OXA1L: variants seen among roughly 807,000 people sequenced by gnomAD.
OXA1L encodes mitochondrial inner membrane protein OXA1L.
Under a neutral mutation model 52.2 loss-of-function variants are expected in OXA1L, and 42 were observed. The observed-to-expected ratio is 0.80, with a 90% CI of 0.63 to 1.04. OXA1L has a LOEUF of 1.04. Ranked by LOEUF, OXA1L falls within the 50% of genes least tolerant of loss-of-function variation. The probability of loss-of-function intolerance (pLI) is 0.00; values close to 1 mark genes in which losing one functional copy is unlikely to be tolerated. For missense variants in OXA1L, 572 were observed against 555.0 expected, an observed-to-expected ratio of 1.03 and a Z score of -0.31; for synonymous variants, 239 against 201.9, an observed-to-expected ratio of 1.18 and a Z score of -1.56.
rs201114618 is a variant in OXA1L at position 22,770,820 on chromosome 14, G to A, written c.850G>A (p.Gly284Ser). 6.2e-7 allele frequency: 1 copy of A among 1,614,088 alleles called. No individual in the cohort carries two copies. The highest frequency in any genetic ancestry group is 1.3e-5 in the African/African-American group (1 of 75,054). The change falls in exon 7 of 10, where the codon GGT becomes AGT. Residue 284 changes from glycine (G) to serine (S), a missense_variant. Transcript: ENST00000612549. ...WAVLELGAET[G>S]VQSSDLQWMR... ...CTTTTGGCAGCTAGGTGCTGAGACA[G>A]GTGTGCAAAGTTCTGACCTTCAGTG...
At chr14:22,767,065 T>C (rs750518892) in intron 1 of OXA1L, 183 bp from the exon 2 acceptor site, 3 of 1,536,320 alleles carry the variant, frequency 2.0e-6, no homozygotes, top group African/African-American at 2.7e-5. Context: ...CGAGCTTCGC[T>C]CTGCAGGCAC....
At position 22,771,662 on chromosome 14, in the gene OXA1L, C is replaced by A; in HGVS notation, c.*104C>A. 3 of 1,180,994 alleles carry A rather than the reference C, an allele frequency of 2.5e-6. No homozygotes were observed. The highest frequency in any genetic ancestry group is 3.7e-6 in the Non-Finnish European group (3 of 808,414). The allele number at this position is 1,180,994 out of a possible 1,614,324, so 73.2% of individuals were successfully genotyped here. A position where few individuals can be genotyped will look rare whatever the true frequency, so the allele number is the denominator to read the frequency against. On this transcript the variant is annotated 3_prime_UTR_variant, in exon 10 of 10. Transcript: ENST00000612549. ...CTTGCCCCAGTCCTAGGAACTGTGG[C>A]ACACAGAGATGTTCATTTTAAAAAC...
chr14:22,767,287 C>A lies in OXA1L; in HGVS notation c.103C>A (p.Pro35Thr). The stretch of plus-strand genomic sequence containing the variant: ...AGGGCCCTCGCAATGGCTTGGGAAA[C>A]CGCTGACCACACGGCTCCTATTCCC... ...VAGPSQWLGK[P>T]LTTRLLFPAA... is the part of the protein sequence containing the mutation. Residue 35 changes from proline to threonine, a missense_variant, in exon 2 of 10, where the codon CCG (proline) becomes ACG (threonine). Coordinates refer to ENST00000612549, the MANE Select transcript of OXA1L (RefSeq NM_005015.5). 1 of 1,613,052 alleles carries A rather than the reference C, an allele frequency of 6.2e-7. No homozygotes were observed. The highest frequency in any genetic ancestry group is 8.5e-7 in the Non-Finnish European group (1 of 1,179,720).
At position 22,770,531 on chromosome 14, in the gene OXA1L, CA is replaced by C. The variant is rs1566434857; in HGVS notation, c.741del (p.Gly248ValfsTer32). 1 of 1,614,184 alleles carries C rather than the reference CA, an allele frequency of 6.2e-7. No homozygotes were observed. Among genetic ancestry groups the C allele is most frequent in the East Asian group, 2.2e-5 (1 of 44,890 alleles). The part of the protein sequence containing the change: ...MANLPVPSLQ[T>X]GGLWWFQDLT... ...AACCTTCCTGTGCCCAGCCTGCAGA[CA>C]GGTGGCCTCTGGTGGTTCCAGGATC... On this transcript the variant is annotated frameshift_variant, in exon 6 of 10. Transcript: ENST00000612549. LOFTEE classifies it high-confidence loss of function.
Position 22,772,332 on chromosome 14 carries a change from A to C in OXA1L, c.*774A>C, listed in dbSNP as rs1264076193. 6 of 150,464 alleles carry C rather than the reference A, an allele frequency of 4.0e-5. No individual in the cohort carries two copies. Among genetic ancestry groups the C allele is most frequent in the Non-Finnish European group, 5.9e-5 (4 of 67,652 alleles). The allele number at this position is 150,464 out of a possible 1,614,324, so 9.3% of individuals were successfully genotyped here. On this transcript the variant is annotated 3_prime_UTR_variant, in exon 10 of 10. Transcript: ENST00000612549. ...ACCCCGTCTCTACTAAAAAAAAAAA[A>C]AAAAAAATTAGCCGGGCATGGCGGC...
chr14:22,767,782 C>A, intron 2 of OXA1L, 176 bp from the exon 3 acceptor site: 1 of 549,492 alleles, frequency 1.8e-6, no homozygotes, highest in South Asian at 2.9e-5. Flanking sequence ...ACTTCTCTTC[C>A]TAACTATTGA....
At position 22,771,134 on chromosome 14, in the gene OXA1L, G is replaced by A; in HGVS notation, c.1056G>A (p.Leu352=). The A allele has an allele frequency of 1.2e-6, 2 of 1,614,086 alleles. No homozygotes were observed. Among genetic ancestry groups the A allele is most frequent in the Non-Finnish European group, 1.7e-6 (2 of 1,180,022 alleles). ...TCCCCCAGCGTGTTGTACATGACCT[G>A]GACAAATTACCTCCACGGGAAGGCT... ...LKIPQRVVHD[L]DKLPPREGFL... is the part of the protein sequence containing the mutation. The change falls in exon 8 of 10, where the codon CTG becomes CTA. Residue 352 remains leucine, a synonymous_variant. Coordinates refer to ENST00000612549, the MANE Select transcript of OXA1L (RefSeq NM_005015.5).
At position 22,770,559 on chromosome 14, in the gene OXA1L, C is replaced by T. The variant is rs750440594; in HGVS notation, c.768C>T (p.Leu256=). 1.2e-6 allele frequency: 2 copies of T among 1,614,122 alleles called. No individual in the cohort carries two copies. Among genetic ancestry groups the T allele is most frequent in the Admixed American group, 1.7e-5 (1 of 60,022 alleles). Residue 256 remains leucine (L), a synonymous_variant, in exon 6 of 10, where the codon CTC becomes CTT. Coordinates refer to ENST00000612549, the MANE Select transcript of OXA1L (RefSeq NM_005015.5). ...QTGGLWWFQD[L]TVSDPIYILP... is the part of the protein sequence containing the mutation. ...GTGGCCTCTGGTGGTTCCAGGATCT[C>T]ACGGTATCCGATCCCATCTACATAT...
At position 22,770,236 on chromosome 14, in the gene OXA1L, T is replaced by C; in HGVS notation, c.627T>C (p.His209=). ...SSEMALYQKK[H]GIKLYKPLIL... Reference sequence around the variant, plus strand: ...AGATGGCACTTTACCAGAAAAAACATGGTATTAAACTCTATAAACCTCTCA... The same window carrying C: ...AGATGGCACTTTACCAGAAAAAACACGGTATTAAACTCTATAAACCTCTCA... The change falls in exon 5 of 10, where the codon CAT becomes CAC. Residue 209 remains histidine (H), a synonymous_variant. Coordinates refer to ENST00000612549, the MANE Select transcript of OXA1L (RefSeq NM_005015.5). 1 of 1,612,676 alleles carries C rather than the reference T, an allele frequency of 6.2e-7. No individual in the cohort carries two copies.
intron 7 of OXA1L, 21 bp downstream of exon 7, chr14:22,770,930 T>C (rs2038453528): frequency 6.2e-7 from 1 of 1,611,940 alleles, no homozygotes; most frequent in East Asian, 2.2e-5. Flanking sequence ...CCTTATGGGC[T>C]GGCTCCAAGG....
rs896562507 is a variant in OXA1L at position 22,770,002 on chromosome 14, G to A, written c.583+68G>A. ...CACTTTTCCTTACATTCTGCTGGGG[G>A]AAAGGAACAATGTAAATCAGAAGTT... On this transcript the variant is annotated intron_variant, in intron 4 of 9. Coordinates refer to ENST00000612549, the MANE Select transcript of OXA1L (RefSeq NM_005015.5). The A allele has an allele frequency of 5.7e-6, 9 of 1,577,500 alleles. No homozygotes were observed. The African/African-American group carries it at 9.4e-5, about 17-fold the overall frequency.
chr14:22,766,723 G>T lies in OXA1L; in HGVS notation c.22G>T (p.Gly8Ter). Residue 8 changes from glycine (G) to a stop codon, truncating the protein, a stop_gained, in exon 1 of 10, where the codon GGA (glycine) becomes TGA (stop). Coordinates refer to ENST00000612549, the MANE Select transcript of OXA1L (RefSeq NM_005015.5). LOFTEE classifies it high-confidence loss of function. Reference protein sequence around the residue: MAMGLMCGRRELLRLLQS... With the variant: MAMGLMC The stretch of plus-strand genomic sequence containing the variant: ...CAAAATGGCGATGGGACTAATGTGC[G>T]GACGCCGGGAGCTTCTGCGCTTGCT... The T allele has an allele frequency of 6.2e-7, 1 of 1,614,232 alleles. No homozygotes were observed. Among genetic ancestry groups the T allele is most frequent in the Non-Finnish European group, 8.5e-7 (1 of 1,180,036 alleles).
At position 22,766,931 on chromosome 14, in the gene OXA1L, A is replaced by G. The variant is rs1041730099; in HGVS notation, c.63+167A>G. On this transcript the variant is annotated intron_variant, in intron 1 of 9. Transcript: ENST00000612549. ...CGCGCTAGGGTTAGTCCCCGACACT[A>G]TGGGCCCAGCAGCCCGGTGTCAGCT... The G allele has an allele frequency of 4.6e-6, 7 of 1,513,498 alleles. No homozygotes were observed. The African/African-American group carries it at 5.5e-5, about 12-fold the overall frequency. The allele number at this position is 1,513,498 out of a possible 1,614,324, so 93.8% of individuals were successfully genotyped here.
In OXA1L at chr14:22,767,011, T is replaced by C. The variant is rs760395218; in HGVS notation, c.64-237T>C. ...CACCTCGGCCTCGTTCTCAGGGCCC[T>C]CCGATGTGGGTCTGCGATAACTGAG... is the stretch of plus-strand genomic sequence containing the variant. On this transcript the variant is annotated intron_variant, in intron 1 of 9. Coordinates refer to ENST00000612549, the MANE Select transcript of OXA1L (RefSeq NM_005015.5). 4 of 1,535,486 alleles carry C rather than the reference T, an allele frequency of 2.6e-6. No individual in the cohort carries two copies. The South Asian group carries it at 4.8e-5, about 18-fold the overall frequency.
In OXA1L at chr14:22,766,726, C is replaced by T. The variant is rs144214112; in HGVS notation, c.25C>T (p.Arg9Cys). 72 of 1,614,130 alleles carry T rather than the reference C, an allele frequency of 4.5e-5. No homozygotes were observed. Among genetic ancestry groups the T allele is most frequent in the Non-Finnish European group, 5.8e-5 (69 of 1,180,046 alleles). Residue 9 changes from arginine to cysteine, a missense_variant, in exon 1 of 10, where the codon CGC (arginine) becomes TGC (cysteine). Arg to Cys is a radical substitution (Grantham distance 180). This residue lies in a region of OXA1L where 186 missense variants were observed against 151.8 expected (regional missense o/e 1.23). Transcript: ENST00000612549. ...AATGGCGATGGGACTAATGTGCGGA[C>T]GCCGGGAGCTTCTGCGCTTGCTACA... MAMGLMCG[R>C]RELLRLLQSG...
At position 22,770,895 on chromosome 14, in the gene OXA1L, A is replaced by G. The variant is rs866790660; in HGVS notation, c.925A>G (p.Met309Val). The G allele has an allele frequency of 1.9e-5, 31 of 1,613,968 alleles. No homozygotes were observed. Among genetic ancestry groups the G allele is most frequent in the Non-Finnish European group, 2.4e-5 (28 of 1,179,932 alleles). The change falls in exon 7 of 10, where the codon ATG becomes GTG. Residue 309 changes from methionine to valine, a missense_variant. Met to Val is a conservative substitution (Grantham distance 21, BLOSUM62 1). This residue lies in a region of OXA1L where 244 missense variants were observed against 240.2 expected (regional missense o/e 1.02). Transcript: ENST00000612549. ...MMPLITLPIT[M>V]HFPTAVFMYW... ...GCCCCTGATAACCTTGCCCATAACC[A>G]TGCATTTCCCCACGGTATGTAATGC...
rs558495070 is a variant in OXA1L, at chr14:22,771,495, C to T, written c.1245C>T (p.Pro415=). The T allele has an allele frequency of 1.2e-6, 2 of 1,607,190 alleles. No homozygotes were observed. Among genetic ancestry groups the T allele is most frequent in the South Asian group, 1.1e-5 (1 of 90,548 alleles). The change falls in exon 10 of 10, where the codon CCC becomes CCT. Residue 415 remains proline (P), a synonymous_variant. Transcript: ENST00000612549. Reference sequence around the variant, plus strand: ...TACAACCTGGAAAGGATAACCCTCCCAATATCCCTAGCAGCAGCAGCAAAC... The same window carrying T: ...TACAACCTGGAAAGGATAACCCTCCTAATATCCCTAGCAGCAGCAGCAAAC... ...PLLQPGKDNP[P]NIPSSSSKPK...
chr14:22,768,289 A>G (rs1203636833), intron 3 of OXA1L, 118 bp downstream of exon 3: 1 of 746,166 alleles, frequency 1.3e-6, no homozygotes, highest in Non-Finnish European at 2.3e-6. Context: ...GATGATTTCA[A>G]ATGAGCAATA....
chr14:22,769,068 G>T (rs978629409), intron 3 of OXA1L: 1 of 152,056 alleles, frequency 6.6e-6, no homozygotes, highest in Admixed American at 6.6e-5. Context: ...GACTACAGGT[G>T]TGCCACCACA....
Sources: gnomAD v4.1 joint callset for allele counts on GRCh38, gnomAD v4.1.1 for gene constraint, gnomAD v4.1.1 regional missense constraint, MANE v1.5 for transcripts, NCBI Gene and HGNC (gene_info 2026-07-23, HGNC 2026-07-21) for gene names.